Variants in CEP70 observed in about 807,000 individuals in gnomAD.
The protein encoded by CEP70 is centrosomal protein 70, also known as centrosomal protein of 70 kDa.
Under a neutral mutation model 90.9 loss-of-function variants are expected in CEP70, and 70 were observed. The observed-to-expected ratio is 0.77, with a 90% CI of 0.64 to 0.94. CEP70 has a LOEUF of 0.94. Ranked by LOEUF, CEP70 falls within the 40% of genes least tolerant of loss-of-function variation. The probability of loss-of-function intolerance (pLI) is 0.00; values close to 1 mark genes in which losing one functional copy is unlikely to be tolerated. For synonymous variants in CEP70, 220 were observed against 228.3 expected (o/e 0.96, Z 0.33); for missense variants, 648 against 669.0 (o/e 0.97, Z 0.35).
chr3:138,508,972 A>G (rs1576553372), intron 11 of CEP70, among the ~76,000 whole-genome samples: 1 of 152,124 alleles, frequency 6.6e-6, no homozygotes, highest in Non-Finnish European at 1.5e-5. Context: ...TGACCTCGTG[A>G]TCCACCCACC....
intron 6 of CEP70, among the ~76,000 whole-genome samples, chr3:138,550,138 T>A (rs893889865): frequency 6.6e-6 from 1 of 152,072 alleles, no homozygotes; most frequent in East Asian, 1.9e-4. Flanking sequence ...AATTCTGATA[T>A]GACAAAACAA....
chr3:138,527,719 A>G (rs1355792660), intron 10 of CEP70, among the ~76,000 whole-genome samples: 1 of 150,802 alleles, frequency 6.6e-6, no homozygotes, highest in Non-Finnish European at 1.5e-5. Context: ...AAAAATCTCA[A>G]TGGGCTAAAA....
At chr3:138,569,713 T>C (rs1310045312) in intron 6 of CEP70, among the ~76,000 whole-genome samples, 2 of 151,890 alleles carry the variant, frequency 1.3e-5, no homozygotes, top group South Asian at 2.1e-4. Context: ...ATAAAAAATA[T>C]AAAAATTAGC....
chr3:138,540,314 G>T (rs74891862), intron 6 of CEP70, among the ~76,000 whole-genome samples: 4 of 152,054 alleles, frequency 2.6e-5, no homozygotes, highest in Admixed American at 2.6e-4. Flanking sequence ...GGCCAACATG[G>T]TGAAACCCAC....
At chr3:138,579,649 C>T (rs975564562) in intron 2 of CEP70, among the ~76,000 whole-genome samples, 1 of 151,740 alleles carries the variant, frequency 6.6e-6, no homozygotes, top group Non-Finnish European at 1.5e-5. Context: ...AGGGAAGGAC[C>T]CAGTCCTGGC....
At chr3:138,547,238 T>G (rs1469634338) in intron 6 of CEP70, among the ~76,000 whole-genome samples, 1 of 152,208 alleles carries the variant, frequency 6.6e-6, no homozygotes, top group Non-Finnish European at 1.5e-5. Flanking sequence ...TACAAAACTG[T>G]AGGATAGAAA....
intron 12 of CEP70, among the ~76,000 whole-genome samples, chr3:138,506,193 C>CAA (rs1037528240): frequency 6.6e-6 from 1 of 152,098 alleles, no homozygotes; most frequent in African/African-American, 2.4e-5. Context: ...AAATTAACAG[C>CAA]AATCCCCAGG....
At chr3:138,504,931 G>T (rs999087087) in intron 13 of CEP70, among the ~76,000 whole-genome samples, 1 of 152,064 alleles carries the variant, frequency 6.6e-6, no homozygotes, top group African/African-American at 2.4e-5. Flanking sequence ...TAAGGGCCAG[G>T]AAAATCGCAG....
chr3:138,553,212 G>T (rs148003721), intron 6 of CEP70, among the ~76,000 whole-genome samples: 221 of 152,224 alleles, frequency 1.5e-3, no homozygotes, highest in African/African-American at 5.1e-3. Flanking sequence ...GGGCACGATG[G>T]CTCACGCCTG....
intron 6 of CEP70, among the ~76,000 whole-genome samples, chr3:138,558,616 T>A (rs2040190439): frequency 6.6e-6 from 1 of 152,194 alleles, no homozygotes; most frequent in African/African-American, 2.4e-5. Context: ...ACTAGTTTTC[T>A]TTGGGACTGA....
At chr3:138,497,406 A>G in intron 17 of CEP70, 5 of 1,156,888 alleles carry the variant, frequency 4.3e-6, no homozygotes, top group Non-Finnish European at 5.4e-6. Flanking sequence ...TAAAACTTTA[A>G]AAATCATTCT....
intron 6 of CEP70, among the ~76,000 whole-genome samples, chr3:138,555,157 G>A (rs2039908113): frequency 1.3e-5 from 2 of 150,632 alleles, no homozygotes; most frequent in South Asian, 4.2e-4. Context: ...GCTGAGGCAG[G>A]AGAATCACTT....
chr3:138,532,581 G>T lies in CEP70; in HGVS notation c.636-11C>A, dbSNP rs948928915. 1 of 1,472,360 alleles carries T rather than the reference G, an allele frequency of 6.8e-7. No homozygotes were observed. 91.2% of individuals were successfully genotyped at this position (1,472,360 alleles called of 1,614,324 possible). On this transcript the variant is annotated splice_polypyrimidine_tract_variant and intron_variant, in intron 7 of 17. Transcript: ENST00000264982. The stretch of plus-strand genomic sequence containing the variant: ...ATTAGACAAAGCAACCTAGAAAACA[G>T]AATATTGAATTATTTTCAAAATGCG...
At chr3:138,575,107 G>T (rs528845738) in intron 2 of CEP70, among the ~76,000 whole-genome samples, 19 of 152,238 alleles carry the variant, frequency 1.2e-4, no homozygotes, top group African/African-American at 4.6e-4. Flanking sequence ...TGACTTTGAC[G>T]AGTTGACAGA....
At chr3:138,571,397 T>C (rs375935904) in intron 3 of CEP70, 41 bp from the exon 4 acceptor site, 7 of 1,315,120 alleles carry the variant, frequency 5.3e-6, no homozygotes, top group Non-Finnish European at 6.5e-6. Flanking sequence ...ACTTTAGATA[T>C]AAAGTGAAGA....
intron 11 of CEP70, among the ~76,000 whole-genome samples, chr3:138,520,350 A>G (rs923035691): frequency 4.6e-5 from 7 of 152,196 alleles, no homozygotes; most frequent in African/African-American, 1.7e-4. Flanking sequence ...ACATCTACAG[A>G]ACTCTCCACC....
chr3:138,562,066 A>G (rs942154287), intron 6 of CEP70, among the ~76,000 whole-genome samples: 4 of 151,550 alleles, frequency 2.6e-5, no homozygotes, highest in African/African-American at 9.7e-5. Flanking sequence ...ATACACAAGT[A>G]TCAGTAGCCG....
Position 138,497,646 on chromosome 3 carries a change from A to G in CEP70, c.1732+385T>C, listed in dbSNP as rs2034067851. ...TAACCAGAGAGGAAATATTATTTGT[A>G]TATTTAAAAAATTTTGTAGATAGGT... On this transcript the variant is annotated intron_variant, in intron 17 of 17. Transcript: ENST00000264982. 3 of 967,780 alleles carry G rather than the reference A, an allele frequency of 3.1e-6. No individual in the cohort carries two copies. In the Admixed American group the frequency reaches 1.8e-4, roughly 60 times the overall value. 59.9% of individuals were successfully genotyped at this position (967,780 alleles called of 1,614,324 possible). A position where few individuals can be genotyped will look rare whatever the true frequency, so the allele number is the denominator to read the frequency against.
At chr3:138,557,840 C>T (rs369343028) in intron 6 of CEP70, among the ~76,000 whole-genome samples, 2 of 152,092 alleles carry the variant, frequency 1.3e-5, no homozygotes, top group Admixed American at 6.6e-5. Flanking sequence ...CATAACAGAT[C>T]AAGCCCACAA....
Sources: gnomAD v4.1 joint callset for allele counts (sites outside exome capture counted in the v4.1 genomes callset) on GRCh38, gnomAD v4.1.1 for gene constraint, MANE v1.5 for transcripts, NCBI Gene and HGNC (gene_info 2026-07-23, HGNC 2026-07-21) for gene names.